Variants in NRXN3 observed in about 807,000 individuals in gnomAD.
The protein encoded by NRXN3 is neurexin 3, also known as neurexin III.
Under a neutral mutation model 137.6 loss-of-function variants are expected in NRXN3, and 32 were observed. The observed-to-expected ratio is 0.23, with a 90% confidence interval of 0.18 to 0.31. The LOEUF (loss-of-function observed/expected upper bound fraction) is 0.31. NRXN3 is among the 10% of genes least tolerant of loss of function. The pLI is 1.00. For missense variants in NRXN3, 1,574 were observed against 2,062.5 expected, an observed-to-expected ratio of 0.76 and a Z score of 4.59; for synonymous variants, 798 against 784.5, an observed-to-expected ratio of 1.02 and a Z score of -0.29.
At position 78,936,211 on chromosome 14, in the gene NRXN3, C is replaced by G. The variant is rs771343180; in HGVS notation, c.2276-21031C>G. ...CCACCTTTCCACTGTGGTTCATCTT[C>G]TGGCTATTGGTTATATTTTGCCTTC... On this transcript the variant is annotated intron_variant, in intron 10 of 20. Coordinates refer to ENST00000335750, the MANE Select transcript of NRXN3 (RefSeq NM_001330195.2). Among the ~76,000 whole-genome samples the G allele has an allele frequency of 5.9e-5, 9 of 152,212 alleles. No homozygotes were observed. In the South Asian group the frequency reaches 8.3e-4, roughly 14 times the overall value.
rs1327541376 is a variant in NRXN3, at chr14:79,738,663, T to C, written c.4014+40726T>C. The stretch of plus-strand genomic sequence containing the variant: ...AACCTCCGCCTCCCGTCTTCAAGTG[T>C]TTCTCCTGCCTCAGCCTCCCAAGTA... On this transcript the variant is annotated intron_variant, in intron 19 of 20. Coordinates refer to ENST00000335750, the MANE Select transcript of NRXN3 (RefSeq NM_001330195.2). Among the ~76,000 whole-genome samples the C allele has an allele frequency of 2.0e-5, 3 of 152,016 alleles. No individual in the cohort carries two copies. In the East Asian group the frequency reaches 5.8e-4, roughly 29 times the overall value.
chr14:79,216,346 C>T (rs1183493361), intron 15 of NRXN3, among the ~76,000 whole-genome samples: 1 of 152,128 alleles, frequency 6.6e-6, no homozygotes, highest in Non-Finnish European at 1.5e-5. Flanking sequence ...CTTTTCTGAC[C>T]TATCCTCTGG....
intron 15 of NRXN3, among the ~76,000 whole-genome samples, chr14:79,292,472 A>T (rs1008190528): frequency 1.3e-5 from 2 of 152,200 alleles, no homozygotes. Flanking sequence ...CCTGATTTTA[A>T]TTCTCTCACC....
intron 15 of NRXN3, among the ~76,000 whole-genome samples, chr14:79,009,796 C>A (rs2099568037): frequency 6.6e-6 from 1 of 152,130 alleles, no homozygotes; most frequent in African/African-American, 2.4e-5. Flanking sequence ...GACAGGTGAC[C>A]AGTTCAACCA....
chr14:79,410,496 T>A (rs2095401326), intron 15 of NRXN3, among the ~76,000 whole-genome samples: 2 of 151,880 alleles, frequency 1.3e-5, no homozygotes, highest in Admixed American at 1.3e-4. Flanking sequence ...ACTAGAGAAC[T>A]TAAAGCTTTT....
chr14:79,610,692 G>A (rs1170958979), intron 16 of NRXN3, among the ~76,000 whole-genome samples: 1 of 152,164 alleles, frequency 6.6e-6, no homozygotes, highest in African/African-American at 2.4e-5. Flanking sequence ...AGTTACGTGA[G>A]TTTTTCCCCA....
At chr14:78,831,267 AAGAAT>A (rs1305164247) in intron 10 of NRXN3, among the ~76,000 whole-genome samples, 1 of 152,072 alleles carries the variant, frequency 6.6e-6, no homozygotes, top group African/African-American at 2.4e-5. Flanking sequence ...CTCACTGAAA[AAGAAT>A]AGAACAATAT....
chr14:78,636,550 T>C (rs2097568735), intron 4 of NRXN3, among the ~76,000 whole-genome samples: 3 of 152,094 alleles, frequency 2.0e-5, no homozygotes, highest in Admixed American at 2.0e-4. Flanking sequence ...TGATCTCTTC[T>C]GGGGAATGGG....
At chr14:78,360,323 G>C (rs962014938) in intron 4 of NRXN3, among the ~76,000 whole-genome samples, 4 of 152,144 alleles carry the variant, frequency 2.6e-5, no homozygotes, top group Non-Finnish European at 4.4e-5. Context: ...ATCTATTCCA[G>C]TGATTCTTAG....
At chr14:78,973,176 C>T (rs1007567808) in intron 14 of NRXN3, among the ~76,000 whole-genome samples, 2 of 152,138 alleles carry the variant, frequency 1.3e-5, no homozygotes, top group Non-Finnish European at 2.9e-5. Context: ...GCATCCCATA[C>T]CGTGACTATA....
At chr14:78,787,662 G>C (rs1263218434) in intron 8 of NRXN3, among the ~76,000 whole-genome samples, 1 of 152,164 alleles carries the variant, frequency 6.6e-6, no homozygotes, top group Non-Finnish European at 1.5e-5. Flanking sequence ...ATATGGCAGA[G>C]TGAGGCAGCA....
intron 15 of NRXN3, among the ~76,000 whole-genome samples, chr14:79,377,901 G>A (rs1474880202): frequency 6.6e-6 from 1 of 152,156 alleles, no homozygotes; most frequent in Non-Finnish European, 1.5e-5. Context: ...GTGTTGAAAG[G>A]AACAGCTGGG....
intron 10 of NRXN3, among the ~76,000 whole-genome samples, chr14:78,933,320 G>C (rs2099327329): frequency 6.6e-6 from 1 of 152,192 alleles, no homozygotes; most frequent in African/African-American, 2.4e-5. Flanking sequence ...TTATAAAGTA[G>C]ATGTAAATAT....
chr14:78,318,821 C>T (rs1156495357), intron 4 of NRXN3, among the ~76,000 whole-genome samples: 2 of 152,144 alleles, frequency 1.3e-5, no homozygotes, highest in African/African-American at 4.8e-5. Context: ...GAGCAAAGGC[C>T]CTTCTTGAAA....
chr14:78,696,096 C>A (rs2098223256), intron 6 of NRXN3, among the ~76,000 whole-genome samples: 1 of 151,978 alleles, frequency 6.6e-6, no homozygotes, highest in Admixed American at 6.6e-5. Flanking sequence ...CAGGAGAGAT[C>A]AATTTTTCTA....
At chr14:79,802,574 C>G (rs1489066478) in intron 19 of NRXN3, among the ~76,000 whole-genome samples, 3 of 152,086 alleles carry the variant, frequency 2.0e-5, no homozygotes, top group Non-Finnish European at 4.4e-5. Flanking sequence ...AGACATTGCC[C>G]CTATAAAGAA....
intron 16 of NRXN3, among the ~76,000 whole-genome samples, chr14:79,470,283 T>C (rs1166314965): frequency 6.6e-6 from 1 of 152,142 alleles, no homozygotes; most frequent in Non-Finnish European, 1.5e-5. Context: ...TATTTGAGAT[T>C]TGGTAATTTA....
chr14:79,459,645 A>C (rs2096301680), intron 15 of NRXN3, among the ~76,000 whole-genome samples: 1 of 152,072 alleles, frequency 6.6e-6, no homozygotes, highest in Non-Finnish European at 1.5e-5. Context: ...CTAACACAGC[A>C]AAAAATATTT....
chr14:79,508,276 A>G (rs1312890382), intron 16 of NRXN3, among the ~76,000 whole-genome samples: 1 of 151,906 alleles, frequency 6.6e-6, no homozygotes, highest in Non-Finnish European at 1.5e-5. Flanking sequence ...CTATTGTCAT[A>G]GTCATCATTG....
Sources: allele counts gnomAD v4.1 joint callset (sites outside exome capture counted in the v4.1 genomes callset), GRCh38; gene constraint gnomAD v4.1.1; transcripts MANE v1.5; gene names NCBI Gene and HGNC (gene_info 2026-07-23, HGNC 2026-07-21).